CNTNAP2: variants seen among roughly 807,000 people sequenced by gnomAD.
CNTNAP2 encodes the protein contactin-associated protein-like 2.
Under a neutral mutation model 155.2 loss-of-function variants are expected in CNTNAP2, and 98 were observed. The ratio of observed to expected loss-of-function variants is 0.63; its 90% CI spans 0.54 to 0.75. The LOEUF (loss-of-function observed/expected upper bound fraction) is 0.75. CNTNAP2 is among the 30% of genes least tolerant of loss of function. The pLI is 0.00. For missense variants in CNTNAP2, 1,727 were observed against 1,688.1 expected (o/e 1.02, Z -0.40); for synonymous variants, 651 against 631.2 (o/e 1.03, Z -0.47).
intron 1 of CNTNAP2, among the ~76,000 whole-genome samples, chr7:146,763,872 C>T (rs1365771939): frequency 6.6e-6 from 1 of 152,186 alleles, no homozygotes; most frequent in Non-Finnish European, 1.5e-5. Context: ...CCCTTACTGG[C>T]TCTATAGCGC....
chr7:147,432,642 A>G (rs1406699708), intron 10 of CNTNAP2, among the ~76,000 whole-genome samples: 1 of 151,858 alleles, frequency 6.6e-6, no homozygotes. Flanking sequence ...TTTCCACACA[A>G]TTTCTCTCCT....
chr7:146,938,684 T>A (rs10271861), intron 3 of CNTNAP2, among the ~76,000 whole-genome samples: 2,223 of 152,142 alleles, frequency 0.015, 57 homozygotes, highest in African/African-American at 0.051. Flanking sequence ...CGTTAAAATA[T>A]TGTAAAGTAT....
intron 22 of CNTNAP2, among the ~76,000 whole-genome samples, chr7:148,403,251 G>A (rs1799629708): frequency 6.6e-6 from 1 of 151,548 alleles, no homozygotes; most frequent in Non-Finnish European, 1.5e-5. Context: ...GCTAATCTCT[G>A]AGTGGTGCAA....
chr7:148,356,508 G>T (rs1421966862), intron 21 of CNTNAP2, among the ~76,000 whole-genome samples: 1 of 152,172 alleles, frequency 6.6e-6, no homozygotes, highest in East Asian at 1.9e-4. Context: ...CCTCTTGGCT[G>T]ACCTCCTGCT....
rs546492774 is a variant in CNTNAP2 at position 146,451,682 on chromosome 7, C to T, written c.98-322589C>T. ...TCTAGAATGAGCTTTCTATACCTCA[C>T]AATATTCTACTGGACAAGTTTTCAA... On this transcript the variant is annotated intron_variant, in intron 1 of 23. Transcript: ENST00000361727. Among the ~76,000 whole-genome samples the T allele has an allele frequency of 9.2e-5, 14 of 151,974 alleles. 1 individual carries two copies. The highest frequency in any genetic ancestry group is 3.1e-4 in the African/African-American group (13 of 41,370).
Position 147,693,922 on chromosome 7 carries a change from G to C in CNTNAP2, c.2098+54616G>C, listed in dbSNP as rs374997478. On this transcript the variant is annotated intron_variant, in intron 13 of 23. Transcript: ENST00000361727. ...GAGGGGACATCCTTACCTTGTTCCTGATCTTAGCAGGAGAACTTCAGGTTT... is the reference window on the plus strand; with the variant it reads ...GAGGGGACATCCTTACCTTGTTCCTCATCTTAGCAGGAGAACTTCAGGTTT... Among the ~76,000 whole-genome samples the C allele has an allele frequency of 3.2e-4, 48 of 152,124 alleles. No individual in the cohort carries two copies. In the South Asian group the frequency reaches 1.0e-2, roughly 32 times the overall value.
chr7:147,571,371 C>A (rs1483140523), intron 12 of CNTNAP2, among the ~76,000 whole-genome samples: 1 of 146,352 alleles, frequency 6.8e-6, no homozygotes, highest in East Asian at 2.1e-4. Context: ...ATTTTTAATT[C>A]TTAATTCAAC....
intron 1 of CNTNAP2, among the ~76,000 whole-genome samples, chr7:146,258,989 G>T (rs772695854): frequency 2.6e-5 from 4 of 152,156 alleles, no homozygotes; most frequent in Non-Finnish European, 5.9e-5. Context: ...CTGGTGGGAG[G>T]TTATTGGATC....
intron 1 of CNTNAP2, among the ~76,000 whole-genome samples, chr7:146,483,326 TATAC>T (rs1554439605): frequency 1.8e-4 from 14 of 79,222 alleles, no homozygotes; most frequent in South Asian, 1.3e-3. Context: ...TATATATATA[TATAC>T]ATATATATAT....
At chr7:146,465,209 TACTC>T (rs1306022523) in intron 1 of CNTNAP2, among the ~76,000 whole-genome samples, 1 of 152,152 alleles carries the variant, frequency 6.6e-6, no homozygotes, top group East Asian at 1.9e-4. Flanking sequence ...TGAGTCCAAA[TACTC>T]AGAGGCTATA....
intron 3 of CNTNAP2, among the ~76,000 whole-genome samples, chr7:146,953,158 A>T (rs981386288): frequency 5.3e-5 from 8 of 152,082 alleles, no homozygotes; most frequent in African/African-American, 1.9e-4. Context: ...TTTAGATCTG[A>T]GTAATCAATA....
chr7:146,462,669 A>G (rs1035264638), intron 1 of CNTNAP2, among the ~76,000 whole-genome samples: 3 of 152,234 alleles, frequency 2.0e-5, no homozygotes, highest in Non-Finnish European at 2.9e-5. Context: ...CTGCAATATC[A>G]AGAAAGGAGA....
intron 15 of CNTNAP2, among the ~76,000 whole-genome samples, chr7:148,042,381 G>C (rs1802694717): frequency 6.6e-6 from 1 of 152,206 alleles, no homozygotes; most frequent in Non-Finnish European, 1.5e-5. Context: ...GGGGAAGGGA[G>C]GAGTTGTTGC....
At chr7:147,343,790 C>A (rs1303264108) in intron 9 of CNTNAP2, among the ~76,000 whole-genome samples, 1 of 151,932 alleles carries the variant, frequency 6.6e-6, no homozygotes, top group Non-Finnish European at 1.5e-5. Flanking sequence ...TTCTCTATTG[C>A]TTATCTTCAT....
At chr7:147,096,617 C>T (rs1466580037) in intron 4 of CNTNAP2, among the ~76,000 whole-genome samples, 1 of 152,222 alleles carries the variant, frequency 6.6e-6, no homozygotes, top group Admixed American at 6.5e-5. Flanking sequence ...GTATAAACTG[C>T]TTGTCTTCTC....
At chr7:146,888,980 A>G (rs1409242746) in intron 3 of CNTNAP2, among the ~76,000 whole-genome samples, 3 of 152,082 alleles carry the variant, frequency 2.0e-5, no homozygotes, top group Non-Finnish European at 4.4e-5. Flanking sequence ...CTAAGTAGAT[A>G]GTTCTTAACC....
chr7:148,398,657 G>A (rs1229646474), intron 22 of CNTNAP2, among the ~76,000 whole-genome samples: 7 of 152,132 alleles, frequency 4.6e-5, no homozygotes, highest in Admixed American at 6.5e-5. Flanking sequence ...ATGATGAAGC[G>A]CATCTCTTGA....
At chr7:147,904,217 A>G (rs1474702951) in intron 14 of CNTNAP2, among the ~76,000 whole-genome samples, 1 of 152,222 alleles carries the variant, frequency 6.6e-6, no homozygotes, top group Admixed American at 6.5e-5. Context: ...TGTCTTCTGT[A>G]AGTGCTTGCC....
At chr7:148,332,778 C>CT (rs1798052517) in intron 21 of CNTNAP2, among the ~76,000 whole-genome samples, 1 of 152,128 alleles carries the variant, frequency 6.6e-6, no homozygotes, top group African/African-American at 2.4e-5. Flanking sequence ...GCTGTTTGTC[C>CT]TTTTTTGAAC....
Sources: allele counts gnomAD v4.1 joint callset (sites outside exome capture counted in the v4.1 genomes callset), GRCh38; gene constraint gnomAD v4.1.1; transcripts MANE v1.5; gene names NCBI Gene and HGNC (gene_info 2026-07-23, HGNC 2026-07-21).